Variants in CXADR observed in about 807,000 individuals in gnomAD.
CXADR encodes coxsackievirus and adenovirus receptor.
In CXADR, 20 loss-of-function variants were observed where a neutral mutation model predicts 40.3. The observed-to-expected ratio is 0.50, with a 90% CI of 0.35 to 0.72. The LOEUF (loss-of-function observed/expected upper bound fraction) is 0.72, where lower values mean the gene tolerates loss of function less well. Among genes scored for constraint, CXADR ranks in the 30% least tolerant of loss-of-function variants. The pLI is 0.01. For synonymous variants in CXADR, 150 were observed against 161.3 expected, an observed-to-expected ratio of 0.93 and a Z score of 0.53; for missense variants, 332 against 449.1, an observed-to-expected ratio of 0.74 and a Z score of 2.36.
At chr21:17,584,978 A>T (rs2061384798) in intron 7 of CXADR, among the ~76,000 whole-genome samples, 1 of 152,208 alleles carries the variant, frequency 6.6e-6, no homozygotes, top group Non-Finnish European at 1.5e-5. Flanking sequence ...TTGATGGATG[A>T]TTTATAAGAT....
intron 1 of CXADR, among the ~76,000 whole-genome samples, chr21:17,534,803 T>TTTTTTTTTTTGG (rs397766522): frequency 6.6e-6 from 1 of 150,606 alleles, no homozygotes; most frequent in African/African-American, 2.4e-5. Context: ...TTTTTTTTTT[T>TTTTTTTTTTTGG]GAGAAGGACT....
intron 2 of CXADR, among the ~76,000 whole-genome samples, chr21:17,549,708 C>T (rs920692871): frequency 5.9e-5 from 9 of 152,100 alleles, no homozygotes; most frequent in East Asian, 3.9e-4. Context: ...TAACCAACAG[C>T]GGGAATGCAT....
chr21:17,575,453 T>C (rs1448977392), intron 7 of CXADR, among the ~76,000 whole-genome samples: 1 of 151,608 alleles, frequency 6.6e-6, no homozygotes, highest in Non-Finnish European at 1.5e-5. Context: ...AGTCCTGGGA[T>C]TACAGGTGTG....
At chr21:17,607,724 T>C in the CXADR span, among the ~76,000 whole-genome samples, 1 of 152,198 alleles carries the variant, frequency 6.6e-6, no homozygotes. Flanking sequence ...GGGACATCAA[T>C]ATACACAAAT....
chr21:17,593,315 A>ACAT, exon 8 of CXADR: 1 of 893,532 alleles, frequency 1.1e-6, no homozygotes, highest in African/African-American at 1.7e-5. Flanking sequence ...CTGTAAGAAC[A>ACAT]CATCTACTTT....
chr21:17,627,223 G>T, the CXADR span, among the ~76,000 whole-genome samples: 1 of 152,082 alleles, frequency 6.6e-6, no homozygotes, highest in African/African-American at 2.4e-5. Context: ...AGGCGTGGTG[G>T]CTCATGCCTG....
At chr21:17,540,632 T>C (rs1194652370) in intron 1 of CXADR, among the ~76,000 whole-genome samples, 1 of 152,188 alleles carries the variant, frequency 6.6e-6, no homozygotes, top group Non-Finnish European at 1.5e-5. Context: ...TTGTTGGACA[T>C]TTAGGTTGTT....
the CXADR span, among the ~76,000 whole-genome samples, chr21:17,603,382 C>T: frequency 6.6e-6 from 1 of 152,128 alleles, no homozygotes; most frequent in Non-Finnish European, 1.5e-5. Flanking sequence ...TATCACAAAC[C>T]TCTACCACCT....
rs1290388274 is a variant in CXADR at position 17,569,833 on chromosome 21, C to A, written c.*4141C>A. ...TTTAATGACACAAGTTTTAAGAGAA[C>A]CACAATTCATTGATTCACTTATTCT... On this transcript the variant is annotated 3_prime_UTR_variant, in exon 7 of 7. Coordinates refer to ENST00000284878, the MANE Select transcript of CXADR (RefSeq NM_001338.5). 21 of 984,656 alleles carry A rather than the reference C, an allele frequency of 2.1e-5. No homozygotes were observed. Among genetic ancestry groups the A allele is most frequent in the Non-Finnish European group, 2.5e-5 (21 of 829,396 alleles). 61.0% of individuals were successfully genotyped at this position (984,656 alleles called of 1,614,324 possible). A position where few individuals can be genotyped will look rare whatever the true frequency, so the allele number is the denominator to read the frequency against.
the CXADR span, among the ~76,000 whole-genome samples, chr21:17,600,597 G>A: frequency 6.6e-6 from 1 of 152,110 alleles, no homozygotes; most frequent in African/African-American, 2.4e-5. Flanking sequence ...TAGGTGGGCA[G>A]ACTGCTTGAG....
downstream of CXADR, among the ~76,000 whole-genome samples, chr21:17,572,373 A>G (rs2061285190): frequency 6.6e-6 from 1 of 151,576 alleles, no homozygotes; most frequent in African/African-American, 2.4e-5. Context: ...CTCCGTCTCA[A>G]AAAAAAAAAA....
intron 3 of CXADR, among the ~76,000 whole-genome samples, chr21:17,557,685 A>T (rs538652821): frequency 6.6e-6 from 1 of 152,354 alleles, no homozygotes; most frequent in South Asian, 2.1e-4. Flanking sequence ...AATCTCAGAA[A>T]TGTTATGCTG....
intron 6 of CXADR, among the ~76,000 whole-genome samples, chr21:17,565,035 C>T (rs2061184127): frequency 6.6e-6 from 1 of 152,124 alleles, no homozygotes; most frequent in African/African-American, 2.4e-5. Flanking sequence ...TAGAAATATA[C>T]CTGTAGGTGT....
chr21:17,622,953 G>C, the CXADR span, among the ~76,000 whole-genome samples: 1 of 152,170 alleles, frequency 6.6e-6, no homozygotes, highest in Admixed American at 6.6e-5. Context: ...GGATCCTCAA[G>C]TATATAATCT....
chr21:17,575,096 A>C (rs540747578), downstream of CXADR, among the ~76,000 whole-genome samples: 1 of 146,990 alleles, frequency 6.8e-6, no homozygotes, highest in East Asian at 2.0e-4. Context: ...AGTGAGAAAG[A>C]TAATATTCCT....
chr21:17,517,667 G>A (rs1224490166), intron 1 of CXADR, among the ~76,000 whole-genome samples: 1 of 151,648 alleles, frequency 6.6e-6, no homozygotes, highest in Non-Finnish European at 1.5e-5. Flanking sequence ...CTGTAAAATC[G>A]GGGAGAAATA....
At position 17,516,446 on chromosome 21, in the gene CXADR, G is replaced by A. The variant is rs544949748; in HGVS notation, c.43+3274G>A. ...AATTGAATACTTTGAGGCATTGTGA[G>A]GACACTAGTTTCTCCAGGGCTTGGG... is the stretch of plus-strand genomic sequence containing the variant. On this transcript the variant is annotated intron_variant, in intron 1 of 6. Coordinates refer to ENST00000284878, the MANE Select transcript of CXADR (RefSeq NM_001338.5). 7.2e-5 allele frequency among the ~76,000 whole-genome samples: 11 copies of A among 152,320 alleles called. No individual in the cohort carries two copies. The East Asian group carries it at 1.9e-3, about 27-fold the overall frequency.
rs576966381 is a variant in CXADR, at chr21:17,554,345, C to T, written c.415+2392C>T. On this transcript the variant is annotated intron_variant, in intron 3 of 6. Coordinates refer to ENST00000284878, the MANE Select transcript of CXADR (RefSeq NM_001338.5). Reference sequence around the variant, plus strand: ...ACTCATGGCAGGAGCCGTGACTGCCCGGCAGTAGGAATGGCCTTTTTATAT... The same window carrying T: ...ACTCATGGCAGGAGCCGTGACTGCCTGGCAGTAGGAATGGCCTTTTTATAT... Among the ~76,000 whole-genome samples, 16 of 152,220 alleles carry T rather than the reference C, an allele frequency of 1.1e-4. No individual in the cohort carries two copies. In the East Asian group the frequency reaches 2.3e-3, roughly 22 times the overall value.
chr21:17,592,397 G>T (rs895754690), intron 7 of CXADR, among the ~76,000 whole-genome samples: 6 of 110,412 alleles, frequency 5.4e-5, no homozygotes, highest in Admixed American at 4.9e-4. Flanking sequence ...TTTAAAATTT[G>T]TATTTTTTTA....
Sources: gnomAD v4.1 joint callset for allele counts (sites outside exome capture counted in the v4.1 genomes callset) on GRCh38, gnomAD v4.1.1 for gene constraint, MANE v1.5 for transcripts, NCBI Gene and HGNC (gene_info 2026-07-23, HGNC 2026-07-21) for gene names.